Variants in ACSM4 observed in about 807,000 individuals in gnomAD.
ACSM4 encodes acyl-CoA synthetase medium chain family member 4, also known as acyl-coenzyme A synthetase ACSM4, mitochondrial.
Under a neutral mutation model 73.0 loss-of-function variants are expected in ACSM4, and 66 were observed. The observed-to-expected ratio is 0.90, with a 90% CI of 0.74 to 1.11. The LOEUF (loss-of-function observed/expected upper bound fraction) is 1.11, where lower values mean the gene tolerates loss of function less well. Among genes scored for constraint, ACSM4 ranks in the 50% least tolerant of loss-of-function variants. The probability of loss-of-function intolerance (pLI) is 0.00; values close to 1 mark genes in which losing one functional copy is unlikely to be tolerated. For missense variants in ACSM4, 645 were observed against 714.4 expected, an observed-to-expected ratio of 0.90 and a Z score of 1.11; for synonymous variants, 222 against 254.0, an observed-to-expected ratio of 0.87 and a Z score of 1.20.
intron 6 of ACSM4, 43 bp downstream of exon 6, chr12:7,320,847 A>G (rs1946457573): frequency 1.4e-6 from 2 of 1,479,814 alleles, no homozygotes; most frequent in African/African-American, 1.4e-5. Flanking sequence ...AACAATAGCT[A>G]CCATCCAGGA....
chr12:7,323,799 G>T (rs897335986), intron 9 of ACSM4, among the ~76,000 whole-genome samples: 1 of 152,124 alleles, frequency 6.6e-6, no homozygotes, highest in Admixed American at 6.6e-5. Flanking sequence ...GGTGCAGTTG[G>T]GGGGTGCTAG....
intron 9 of ACSM4, 127 bp from the exon 10 acceptor site, chr12:7,324,146 A>T: frequency 8.9e-7 from 1 of 1,118,364 alleles, no homozygotes; most frequent in East Asian, 2.6e-5. Flanking sequence ...ACAGAGAGAG[A>T]CTCTGTCTCA....
In ACSM4 at chr12:7,322,518, G is replaced by A. The variant is rs1946471570; in HGVS notation, c.1102G>A (p.Glu368Lys). Residue 368 changes from glutamate to lysine, a missense_variant, in exon 7 of 13, where the codon GAG becomes AAG. By Grantham distance (56) the Glu-to-Lys change is moderately conservative. Transcript: ENST00000399422. ...WRVQTGLELY[E>K]GYGQTEVGMI... ...GGTGCAAACTGGGCTGGAGCTATAT[G>A]AGGGCTATGGACAGACGGAAGTGGT... 1.9e-6 allele frequency: 3 copies of A among 1,613,738 alleles called. No individual in the cohort carries two copies. The highest frequency in any genetic ancestry group is 2.5e-6 in the Non-Finnish European group (3 of 1,179,850).
At chr12:7,319,373 C>G (rs1389271384) in intron 5 of ACSM4, among the ~76,000 whole-genome samples, 1 of 152,066 alleles carries the variant, frequency 6.6e-6, no homozygotes, top group Middle Eastern at 3.4e-3. Context: ...AGGTGGATCA[C>G]GAGGTCAGGA....
intron 3 of ACSM4, among the ~76,000 whole-genome samples, chr12:7,312,501 G>C (rs776064290): frequency 2.4e-4 from 36 of 152,250 alleles, no homozygotes; most frequent in African/African-American, 8.4e-4. Context: ...TGCAAACCCT[G>C]CTGAATAATA....
At chr12:7,322,279 CAACAAGTATTTG>C in intron 6 of ACSM4, 127 bp from the exon 7 acceptor site, 1 of 1,206,256 alleles carries the variant, frequency 8.3e-7, no homozygotes, top group Admixed American at 1.9e-5. Context: ...AGCAGGTGTT[CAACAAGTATTTG>C]TTGAATGAAC....
At chr12:7,310,505 T>A (rs946861637) in intron 2 of ACSM4, 34 bp from the exon 3 acceptor site, 1 of 1,566,240 alleles carries the variant, frequency 6.4e-7, no homozygotes, top group Non-Finnish European at 8.6e-7. Context: ...TGGACAGCAG[T>A]TCTGTTCAGT....
Position 7,320,798 on chromosome 12 carries a change from T to A in ACSM4, c.995T>A (p.Leu332His). The change falls in exon 6 of 13, where the codon CTT becomes CAT. Residue 332 changes from leucine (L) to histidine (H), a missense_variant. Coordinates refer to ENST00000399422, the MANE Select transcript of ACSM4 (RefSeq NM_001080454.2). ...TVYRMLVQKD[L>H]KRYKFKSLRH... Reference sequence around the variant, plus strand: ...TACCGGATGCTCGTGCAAAAAGACCTTAAGAGGTACTTGGGCAGAAATCTC... The same window carrying A: ...TACCGGATGCTCGTGCAAAAAGACCATAAGAGGTACTTGGGCAGAAATCTC... 2 of 1,612,088 alleles carry A rather than the reference T, an allele frequency of 1.2e-6. No homozygotes were observed. The highest frequency in any genetic ancestry group is 2.2e-5 in the South Asian group (2 of 91,004).
Position 7,304,230 on chromosome 12 carries a change from T to G in ACSM4, c.-102T>G. ...ACACAGCCACAAATCCACCTCCCAG[T>G]CTCACCACAGAGCATCAAGAAACTG... On this transcript the variant is annotated 5_prime_UTR_variant, in exon 1 of 13. Transcript: ENST00000399422. 1 of 1,243,336 alleles carries G rather than the reference T, an allele frequency of 8.0e-7. No individual in the cohort carries two copies. Among genetic ancestry groups the G allele is most frequent in the South Asian group, 1.4e-5 (1 of 72,476 alleles). The allele number at this position is 1,243,336 out of a possible 1,614,324, so 77.0% of individuals were successfully genotyped here.
intron 1 of ACSM4, among the ~76,000 whole-genome samples, chr12:7,305,137 A>T (rs1946354955): frequency 6.6e-6 from 1 of 152,204 alleles, no homozygotes; most frequent in Admixed American, 6.5e-5. Flanking sequence ...TCTTCCTGTT[A>T]AATACAGGGG....
rs755335610 is a variant in ACSM4, at chr12:7,306,632, G to A, written c.301G>A (p.Ala101Thr). ...AGAACTGGGCTCCTTGTCCCGAAAA[G>A]CTGCCAACGTGCTCACCAAGCCCTG... ...FRELGSLSRK[A>T]ANVLTKPCGL... The change falls in exon 2 of 13, where the codon GCT becomes ACT. Residue 101 changes from alanine (A) to threonine (T), a missense_variant. Coordinates refer to ENST00000399422, the MANE Select transcript of ACSM4 (RefSeq NM_001080454.2). 1.9e-6 allele frequency: 3 copies of A among 1,607,086 alleles called. No homozygotes were observed. The highest frequency in any genetic ancestry group is 2.5e-6 in the Non-Finnish European group (3 of 1,176,880).
intron 3 of ACSM4, among the ~76,000 whole-genome samples, chr12:7,311,398 T>C (rs1290043118): frequency 6.6e-6 from 1 of 152,072 alleles, no homozygotes; most frequent in African/African-American, 2.4e-5. Flanking sequence ...GCTCCTGTTA[T>C]TTCTTCTGCC....
Position 7,327,072 on chromosome 12 carries a change from G to A in ACSM4, c.1633G>A (p.Ala545Thr). 2 of 1,608,768 alleles carry A rather than the reference G, an allele frequency of 1.2e-6. No homozygotes were observed. Among genetic ancestry groups the A allele is most frequent in the Non-Finnish European group, 8.5e-7 (1 of 1,177,592 alleles). The change falls in exon 12 of 13, where the codon GCA becomes ACA. Residue 545 changes from alanine to threonine, a missense_variant. By Grantham distance (58) the Ala-to-Thr change is moderately conservative (BLOSUM62 0). Coordinates refer to ENST00000399422, the MANE Select transcript of ACSM4 (RefSeq NM_001080454.2). ...TCAGGATCATGTGAAAAAATCAACT[G>A]CACCTTACAAATATCCAAGAAAGGC... is the stretch of plus-strand genomic sequence containing the variant. ...ELQDHVKKST[A>T]PYKYPRKVEF...
chr12:7,327,168 G>C, intron 12 of ACSM4, 73 bp downstream of exon 12: 1 of 1,452,392 alleles, frequency 6.9e-7, no homozygotes, highest in Non-Finnish European at 9.2e-7. Flanking sequence ...GATTTTACTG[G>C]ATTTTGATTT....
intron 5 of ACSM4, among the ~76,000 whole-genome samples, chr12:7,319,605 AG>A (rs1164665664): frequency 2.6e-5 from 4 of 150,990 alleles, no homozygotes; most frequent in African/African-American, 7.3e-5. Flanking sequence ...AAAAAAAAAA[AG>A]AAAAAAATAC....
At chr12:7,324,799 A>C (rs933175516) in intron 11 of ACSM4, among the ~76,000 whole-genome samples, 3 of 152,002 alleles carry the variant, frequency 2.0e-5, no homozygotes, top group African/African-American at 7.3e-5. Flanking sequence ...TTTGATGGCA[A>C]GTGGCAGAAA....
At position 7,322,493 on chromosome 12, in the gene ACSM4, G is replaced by A. The variant is rs774146129; in HGVS notation, c.1077G>A (p.Arg359=). The A allele has an allele frequency of 1.9e-6, 3 of 1,613,736 alleles. No homozygotes were observed. The highest frequency in any genetic ancestry group is 2.5e-6 in the Non-Finnish European group (3 of 1,179,836). The change falls in exon 7 of 13, where the codon AGG becomes AGA. Residue 359 remains arginine, a synonymous_variant. Transcript: ENST00000399422. ...ACCCAGAAGTGCTGGAGCAGTGGAG[G>A]GTGCAAACTGGGCTGGAGCTATATG... ...PLNPEVLEQW[R]VQTGLELYEG...
At chr12:7,311,562 C>T (rs751403962) in intron 3 of ACSM4, among the ~76,000 whole-genome samples, 4 of 152,356 alleles carry the variant, frequency 2.6e-5, no homozygotes, top group Admixed American at 6.5e-5. Flanking sequence ...TCATATCACT[C>T]GTCACCACCT....
intron 2 of ACSM4, 38 bp downstream of exon 2, chr12:7,306,781 C>T: frequency 2.0e-6 from 3 of 1,537,914 alleles, no homozygotes; most frequent in Non-Finnish European, 2.6e-6. Context: ...CACACAAACA[C>T]AGAGAGACTG....
Sources: gnomAD v4.1 joint callset for allele counts (sites outside exome capture counted in the v4.1 genomes callset) on GRCh38, gnomAD v4.1.1 for gene constraint, MANE v1.5 for transcripts, NCBI Gene and HGNC (gene_info 2026-07-23, HGNC 2026-07-21) for gene names.